KIAA1328: variants seen among roughly 807,000 people sequenced by gnomAD.
The protein encoded by KIAA1328 is protein hinderin.
In KIAA1328, 52 loss-of-function variants were observed where a neutral mutation model predicts 68.1. The ratio of observed to expected loss-of-function variants is 0.76; its 90% CI spans 0.61 to 0.96. The LOEUF (loss-of-function observed/expected upper bound fraction) is 0.96. Among genes scored for constraint, KIAA1328 ranks in the 40% least tolerant of loss-of-function variants. The probability of loss-of-function intolerance (pLI) is 0.00; values close to 1 mark genes in which losing one functional copy is unlikely to be tolerated. For missense variants in KIAA1328, 641 were observed against 677.6 expected, an observed-to-expected ratio of 0.95 and a Z score of 0.60; for synonymous variants, 232 against 239.4, an observed-to-expected ratio of 0.97 and a Z score of 0.28.
intron 5 of KIAA1328, among the ~76,000 whole-genome samples, chr18:36,943,869 A>G (rs1325945780): frequency 6.6e-6 from 1 of 152,202 alleles, no homozygotes; most frequent in Non-Finnish European, 1.5e-5. Context: ...TAATCATGAG[A>G]TATTATTCTC....
chr18:37,124,220 T>C (rs1270785811), intron 7 of KIAA1328, among the ~76,000 whole-genome samples: 2 of 152,182 alleles, frequency 1.3e-5, no homozygotes, highest in African/African-American at 2.4e-5. Context: ...AAGAGATGTT[T>C]GGAAAATCCA....
intron 6 of KIAA1328, among the ~76,000 whole-genome samples, chr18:37,035,140 T>C (rs2054976955): frequency 6.6e-6 from 1 of 152,078 alleles, no homozygotes; most frequent in Admixed American, 6.6e-5. Context: ...GGAAAGGAAA[T>C]TGTGTGCACC....
intron 8 of KIAA1328, among the ~76,000 whole-genome samples, chr18:37,169,942 A>G (rs1219031807): frequency 6.6e-6 from 1 of 152,222 alleles, no homozygotes; most frequent in Non-Finnish European, 1.5e-5. Flanking sequence ...GTCCCCAGGT[A>G]TTCTGTGATA....
At chr18:37,101,651 C>T (rs1343047455) in intron 7 of KIAA1328, among the ~76,000 whole-genome samples, 1 of 152,128 alleles carries the variant, frequency 6.6e-6, no homozygotes, top group African/African-American at 2.4e-5. Context: ...CATTCAAATT[C>T]AGGAAATACA....
intron 7 of KIAA1328, among the ~76,000 whole-genome samples, chr18:37,085,891 T>A (rs775720077): frequency 7.9e-5 from 12 of 152,158 alleles, no homozygotes; most frequent in Non-Finnish European, 1.8e-4. Flanking sequence ...TCTCAATATA[T>A]CTATATCAAA....
chr18:36,956,015 A>G (rs2051399879), intron 5 of KIAA1328, among the ~76,000 whole-genome samples: 3 of 152,034 alleles, frequency 2.0e-5, no homozygotes, highest in Non-Finnish European at 2.9e-5. Flanking sequence ...TCCACTCTCC[A>G]CCTGTGATTT....
At chr18:37,228,860 G>A (rs780491362), downstream of KIAA1328, among the ~76,000 whole-genome samples, 2 of 152,028 alleles carry the variant, frequency 1.3e-5, no homozygotes, top group Non-Finnish European at 2.9e-5. Context: ...ACCCACTGAA[G>A]GCTCAGATGA....
At chr18:36,966,489 A>G (rs940239201) in intron 6 of KIAA1328, among the ~76,000 whole-genome samples, 18 of 152,218 alleles carry the variant, frequency 1.2e-4, no homozygotes, top group African/African-American at 4.3e-4. Context: ...AGGGAGCTAT[A>G]TTAGAGTGAA....
intron 5 of KIAA1328, among the ~76,000 whole-genome samples, chr18:36,942,999 G>A (rs1003617683): frequency 6.6e-6 from 1 of 152,292 alleles, no homozygotes; most frequent in East Asian, 1.9e-4. Flanking sequence ...ATTAGAATTT[G>A]TTACAGTGTT....
chr18:37,100,394 G>T (rs1294746564), intron 7 of KIAA1328, among the ~76,000 whole-genome samples: 2 of 152,304 alleles, frequency 1.3e-5, no homozygotes, highest in East Asian at 1.9e-4. Flanking sequence ...GGCTCGGAGG[G>T]TCCTATGCCC....
chr18:37,050,937 C>T (rs554835094), intron 6 of KIAA1328, among the ~76,000 whole-genome samples: 10 of 152,218 alleles, frequency 6.6e-5, no homozygotes, highest in Admixed American at 2.6e-4. Context: ...AGCTCTTAAA[C>T]GTAGCATAAA....
intron 6 of KIAA1328, among the ~76,000 whole-genome samples, chr18:36,961,228 C>T (rs911356206): frequency 6.6e-6 from 1 of 152,016 alleles, no homozygotes; most frequent in Non-Finnish European, 1.5e-5. Context: ...GATTGAAGAT[C>T]AACTTAATGA....
chr18:36,852,603 T>C (rs778265322), intron 4 of KIAA1328, among the ~76,000 whole-genome samples: 12 of 152,106 alleles, frequency 7.9e-5, no homozygotes, highest in Non-Finnish European at 1.3e-4. Flanking sequence ...ACCCAATAAA[T>C]ACGAAGGGCT....
intron 9 of KIAA1328, among the ~76,000 whole-genome samples, chr18:37,210,129 A>C (rs2060289036): frequency 6.6e-6 from 1 of 152,194 alleles, no homozygotes; most frequent in Admixed American, 6.5e-5. Flanking sequence ...CAGTCCATGG[A>C]TGGACCCTGA....
intron 5 of KIAA1328, among the ~76,000 whole-genome samples, chr18:36,944,629 T>C (rs2050833957): frequency 6.6e-6 from 1 of 152,108 alleles, no homozygotes; most frequent in Non-Finnish European, 1.5e-5. Flanking sequence ...AGTAGGTTCT[T>C]GGACATTATC....
chr18:36,996,923 C>T (rs1598926505), intron 6 of KIAA1328, among the ~76,000 whole-genome samples: 1 of 152,236 alleles, frequency 6.6e-6, no homozygotes, highest in South Asian at 2.1e-4. Flanking sequence ...TAGAACACTG[C>T]CTGTCTTTAA....
intron 9 of KIAA1328, among the ~76,000 whole-genome samples, chr18:37,221,633 T>G (rs1233287551): frequency 6.6e-6 from 1 of 152,136 alleles, no homozygotes; most frequent in African/African-American, 2.4e-5. Flanking sequence ...AGTACCTACT[T>G]CCTAGGGTTC....
chr18:37,058,740 A>T (rs923764542), intron 6 of KIAA1328, among the ~76,000 whole-genome samples: 10 of 152,080 alleles, frequency 6.6e-5, no homozygotes, highest in African/African-American at 2.4e-4. Flanking sequence ...AAATAAATAA[A>T]TAAATAAACA....
intron 5 of KIAA1328, chr18:36,885,907 G>C (rs569197240): frequency 2.2e-6 from 1 of 460,614 alleles, no homozygotes; most frequent in African/African-American, 2.0e-5. Flanking sequence ...AGTAGAGACG[G>C]GGTTTCACCT....
Sources: gnomAD v4.1 joint callset for allele counts (sites outside exome capture counted in the v4.1 genomes callset) on GRCh38, gnomAD v4.1.1 for gene constraint, MANE v1.5 for transcripts, NCBI Gene and HGNC (gene_info 2026-07-23, HGNC 2026-07-21) for gene names.